LY86: variants seen among roughly 807,000 people sequenced by gnomAD.
The protein encoded by LY86 is MD-1, RP105-associated.
Under a neutral mutation model 17.3 loss-of-function variants are expected in LY86, and 20 were observed. That is an observed-to-expected ratio of 1.15 (90% CI 0.81 to 1.68). The LOEUF is 1.68. Ranked by LOEUF, LY86 falls within the 40% of genes most tolerant of loss-of-function variation. The pLI is 0.00. For synonymous variants in LY86, 74 were observed against 70.6 expected, an observed-to-expected ratio of 1.05 and a Z score of -0.24; for missense variants, 200 against 191.9, an observed-to-expected ratio of 1.04 and a Z score of -0.25.
intron 3 of LY86, among the ~76,000 whole-genome samples, chr6:6,630,826 A>G (rs1402178245): frequency 6.6e-6 from 1 of 152,192 alleles, no homozygotes; most frequent in Non-Finnish European, 1.5e-5. Flanking sequence ...CTGAATAGAG[A>G]TGTGCTGTAA....
chr6:6,619,410 AC>A (rs1226220775), intron 1 of LY86, among the ~76,000 whole-genome samples: 2 of 151,904 alleles, frequency 1.3e-5, no homozygotes, highest in Non-Finnish European at 2.9e-5. Context: ...ACCCTAACAC[AC>A]CCCCCCATTA....
intron 4 of LY86, among the ~76,000 whole-genome samples, chr6:6,651,147 G>A (rs909897852): frequency 1.3e-5 from 2 of 152,126 alleles, no homozygotes; most frequent in Non-Finnish European, 2.9e-5. Context: ...TTGATTCCAT[G>A]TCTTTGCTGT....
chr6:6,650,731 T>A (rs2113167141), intron 4 of LY86, among the ~76,000 whole-genome samples: 1 of 152,310 alleles, frequency 6.6e-6, no homozygotes, highest in Non-Finnish European at 1.5e-5. Flanking sequence ...TATGTAGTGA[T>A]CAAGTCAGGG....
At chr6:6,616,203 A>C (rs1020816803) in intron 1 of LY86, among the ~76,000 whole-genome samples, 1 of 152,208 alleles carries the variant, frequency 6.6e-6, no homozygotes, top group African/African-American at 2.4e-5. Flanking sequence ...GCACAATCTC[A>C]GTGAAGAATT....
chr6:6,607,928 G>A (rs1043562881), intron 1 of LY86, among the ~76,000 whole-genome samples: 1 of 152,068 alleles, frequency 6.6e-6, no homozygotes, highest in South Asian at 2.1e-4. Flanking sequence ...AAATAAATCA[G>A]AAGCCCTAAT....
intron 1 of LY86, among the ~76,000 whole-genome samples, chr6:6,589,438 A>G (rs1399170152): frequency 6.6e-6 from 1 of 152,200 alleles, no homozygotes; most frequent in Non-Finnish European, 1.5e-5. Context: ...GAGATAATAA[A>G]AGTGCATATG....
At chr6:6,607,359 A>G (rs1761204783) in intron 1 of LY86, among the ~76,000 whole-genome samples, 1 of 152,238 alleles carries the variant, frequency 6.6e-6, no homozygotes, top group Non-Finnish European at 1.5e-5. Context: ...ATACTTATAT[A>G]CCAAGGTTTT....
intron 3 of LY86, among the ~76,000 whole-genome samples, chr6:6,644,472 C>A (rs557137955): frequency 6.6e-6 from 1 of 151,674 alleles, no homozygotes; most frequent in African/African-American, 2.4e-5. Flanking sequence ...TGCAATGAAC[C>A]GAGATTGCAC....
chr6:6,636,368 A>T (rs779460920), intron 3 of LY86, among the ~76,000 whole-genome samples: 1 of 152,230 alleles, frequency 6.6e-6, no homozygotes, highest in Non-Finnish European at 1.5e-5. Context: ...GATAATACAC[A>T]TATAGCCCAT....
intron 1 of LY86, among the ~76,000 whole-genome samples, chr6:6,600,857 C>T (rs1379818508): frequency 2.6e-5 from 4 of 152,010 alleles, no homozygotes; most frequent in Admixed American, 2.6e-4. Context: ...CTCAAGTCTC[C>T]AGAGAGTAAA....
At chr6:6,654,432 C>T in intron 4 of LY86, 112 bp from the exon 5 acceptor site, 2 of 780,846 alleles carry the variant, frequency 2.6e-6, no homozygotes, top group Non-Finnish European at 4.3e-6. Context: ...TCTACGTTAT[C>T]CACAATGTCC....
intron 1 of LY86, chr6:6,621,615 G>C (rs1245503729): frequency 6.6e-6 from 1 of 152,210 alleles, no homozygotes; most frequent in Non-Finnish European, 1.5e-5. Flanking sequence ...GGTGGGTAGA[G>C]ACCAGGGATG....
intron 1 of LY86, among the ~76,000 whole-genome samples, chr6:6,603,603 C>CAAAAAAAAAAA (rs1207511602): frequency 9.9e-5 from 7 of 70,454 alleles, no homozygotes; most frequent in East Asian, 3.1e-4. Flanking sequence ...AAAACAGAAA[C>CAAAAAAAAAAA]AGAAAAAAAA....
rs960811979 is a variant in LY86, at chr6:6,654,819, T to A, written c.*192T>A. ...CCCAGACTCCACAGATGTAATGAAG[T>A]CCCCGAATGTATCTGTTTCTAAGGA... On this transcript the variant is annotated 3_prime_UTR_variant, in exon 5 of 5. Coordinates refer to ENST00000230568, the MANE Select transcript of LY86 (RefSeq NM_004271.4). 1.0e-5 allele frequency: 6 copies of A among 573,576 alleles called. No homozygotes were observed. The highest frequency in any genetic ancestry group is 1.5e-5 in the Non-Finnish European group (5 of 323,416). The allele number at this position is 573,576 out of a possible 1,614,324, so 35.5% of individuals were successfully genotyped here.
At chr6:6,612,150 T>C (rs1021684020) in intron 1 of LY86, among the ~76,000 whole-genome samples, 2 of 150,736 alleles carry the variant, frequency 1.3e-5, no homozygotes, top group Non-Finnish European at 3.0e-5. Flanking sequence ...GATTGATAGA[T>C]GTGTCCACAA....
rs115075368 is a variant in LY86 at position 6,652,420 on chromosome 6, G to A, written c.406-2124G>A. ...AGAGATGGGCTCTGGGCTAATGGCA[G>A]TTCCCATGTGGCCAAAAACGCTCCC... On this transcript the variant is annotated intron_variant, in intron 4 of 4. Transcript: ENST00000230568. 8.8e-3 allele frequency among the ~76,000 whole-genome samples: 1,347 copies of A among 152,254 alleles called. 13 individuals are homozygous for A. The highest frequency in any genetic ancestry group is 0.028 in the South Asian group (136 of 4,822).
chr6:6,616,521 T>C (rs1761557772), intron 1 of LY86, among the ~76,000 whole-genome samples: 1 of 152,194 alleles, frequency 6.6e-6, no homozygotes, highest in African/African-American at 2.4e-5. Flanking sequence ...CTCTCAAGAC[T>C]AATGAGAGAA....
At chr6:6,630,293 T>C (rs1761879843) in intron 3 of LY86, among the ~76,000 whole-genome samples, 1 of 152,254 alleles carries the variant, frequency 6.6e-6, no homozygotes, top group South Asian at 2.1e-4. Flanking sequence ...AAGTTCTGAA[T>C]CAAAGAGTTG....
intron 3 of LY86, among the ~76,000 whole-genome samples, chr6:6,631,087 T>A (rs1334183527): frequency 6.6e-6 from 1 of 152,162 alleles, no homozygotes; most frequent in African/African-American, 2.4e-5. Flanking sequence ...CTCTCTTTAA[T>A]GTTTTTACTG....
Sources: gnomAD v4.1 joint callset for allele counts (sites outside exome capture counted in the v4.1 genomes callset) on GRCh38, gnomAD v4.1.1 for gene constraint, MANE v1.5 for transcripts, NCBI Gene and HGNC (gene_info 2026-07-23, HGNC 2026-07-21) for gene names.